RUNX1: variants seen among roughly 807,000 people sequenced by gnomAD.
RUNX1 encodes the protein RUNX family transcription factor 1.
In RUNX1, 19 loss-of-function variants were observed where a neutral mutation model predicts 42.8. The observed-to-expected ratio is 0.44, with a 90% CI of 0.31 to 0.65. The LOEUF is 0.65. Among genes scored for constraint, RUNX1 ranks in the 30% least tolerant of loss-of-function variants. The pLI, the probability that RUNX1 is intolerant of heterozygous loss-of-function variation, is 0.07. For missense variants in RUNX1, 528 were observed against 672.0 expected (o/e 0.79, Z 2.37); for synonymous variants, 271 against 289.4 (o/e 0.94, Z 0.64).
chr21:35,011,993 G>A (rs2059129548), intron 2 of RUNX1, among the ~76,000 whole-genome samples: 1 of 152,178 alleles, frequency 6.6e-6, no homozygotes, highest in Admixed American at 6.5e-5. Context: ...TAAAGAGTGG[G>A]TTATTGGATG....
intron 2 of RUNX1, among the ~76,000 whole-genome samples, chr21:34,926,341 C>T (rs980217616): frequency 1.3e-5 from 2 of 149,974 alleles, no homozygotes; most frequent in East Asian, 2.0e-4. Context: ...CCCAAGTGGT[C>T]GCACATGCCT....
intron 5 of RUNX1, among the ~76,000 whole-genome samples, chr21:34,860,062 T>C (rs529786785): frequency 1.2e-4 from 18 of 152,254 alleles, no homozygotes; most frequent in Non-Finnish European, 2.1e-4. Context: ...TCATTCTGTC[T>C]ATATTTTTAA....
intron 7 of RUNX1, among the ~76,000 whole-genome samples, chr21:34,815,409 C>CA (rs908346163): frequency 6.6e-6 from 1 of 152,188 alleles, no homozygotes; most frequent in Admixed American, 6.5e-5. Context: ...GTGGAGGAAG[C>CA]ACCAAGTGAA....
At chr21:34,963,271 C>A (rs2058694049) in intron 2 of RUNX1, among the ~76,000 whole-genome samples, 1 of 152,090 alleles carries the variant, frequency 6.6e-6, no homozygotes, top group Non-Finnish European at 1.5e-5. Flanking sequence ...CCAACTGGGA[C>A]GAAGGTGCTG....
intron 7 of RUNX1, among the ~76,000 whole-genome samples, chr21:34,823,050 ACT>A (rs1476209350): frequency 1.3e-5 from 2 of 152,172 alleles, no homozygotes; most frequent in Admixed American, 6.5e-5. Context: ...CTTTAGAATG[ACT>A]CAGGTTGAAC....
chr21:34,823,449 T>A (rs1156291221), intron 7 of RUNX1, among the ~76,000 whole-genome samples: 538 of 51,358 alleles, frequency 0.01, 10 homozygotes, highest in African/African-American at 0.022. Flanking sequence ...TTTTTTTTTT[T>A]TTTTTTTTTT....
intron 6 of RUNX1, among the ~76,000 whole-genome samples, chr21:34,840,517 C>G (rs1278157615): frequency 6.6e-6 from 1 of 152,216 alleles, no homozygotes; most frequent in African/African-American, 2.4e-5. Flanking sequence ...ACATCTGCTG[C>G]CATTATCTAC....
At chr21:34,855,086 G>A (rs538339771) in intron 6 of RUNX1, among the ~76,000 whole-genome samples, 1 of 152,226 alleles carries the variant, frequency 6.6e-6, no homozygotes, top group East Asian at 1.9e-4. Flanking sequence ...TAACCTTTTT[G>A]ATTTTTAATT....
intron 5 of RUNX1, among the ~76,000 whole-genome samples, chr21:34,866,770 T>G (rs1426976230): frequency 3.9e-5 from 6 of 152,234 alleles, no homozygotes; most frequent in Admixed American, 1.3e-4. Context: ...TATATACTTG[T>G]GTGCAAAGTG....
intron 2 of RUNX1, among the ~76,000 whole-genome samples, chr21:34,953,366 G>A (rs2058622465): frequency 6.6e-6 from 1 of 152,108 alleles, no homozygotes; most frequent in South Asian, 2.1e-4. Flanking sequence ...TGGCACAGTC[G>A]TGTGAATAAC....
chr21:34,900,045 TATA>T (rs1160516382), intron 2 of RUNX1, among the ~76,000 whole-genome samples: 1 of 152,180 alleles, frequency 6.6e-6, no homozygotes, highest in African/African-American at 2.4e-5. Flanking sequence ...CCAATAGAAA[TATA>T]ATGAGAGTCA....
intron 2 of RUNX1, among the ~76,000 whole-genome samples, chr21:34,949,132 T>G (rs1332552140): frequency 6.6e-6 from 1 of 152,170 alleles, no homozygotes; most frequent in Admixed American, 6.5e-5. Context: ...CTACACTGCC[T>G]GGAGATTTGG....
At chr21:35,022,228 C>T (rs969294215) in intron 2 of RUNX1, among the ~76,000 whole-genome samples, 4 of 152,100 alleles carry the variant, frequency 2.6e-5, no homozygotes, top group South Asian at 2.1e-4. Context: ...TTTGAACAGA[C>T]GAAAGAGGGT....
In RUNX1 at chr21:34,792,474, C is replaced by CATGCCG. The variant is rs750495319; in HGVS notation, c.1098_1103dup (p.Ile366_Gly367dup). 8.2e-5 allele frequency: 130 copies of CATGCCG among 1,587,662 alleles called. No individual in the cohort carries two copies. The highest frequency in any genetic ancestry group is 1.1e-4 in the Admixed American group (6 of 55,848). The stretch of plus-strand genomic sequence containing the variant: ...AGCGCGTGGCCGAGCCCATGGCCGA[C>CATGCCG]ATGCCGATGCCGATGCCCGAGGTGA... On this transcript the variant is annotated inframe_insertion, in exon 9 of 9. Transcript: ENST00000675419. The surrounding 1 kb of genome is among the most constrained non-coding windows in gnomAD (Gnocchi z 6.9).
intron 2 of RUNX1, among the ~76,000 whole-genome samples, chr21:34,981,888 T>C (rs949930366): frequency 6.6e-6 from 1 of 152,188 alleles, no homozygotes; most frequent in Non-Finnish European, 1.5e-5. Flanking sequence ...TTGCCATCAG[T>C]GCAGCAAGGA....
At chr21:34,949,130 C>T (rs186838005) in intron 2 of RUNX1, among the ~76,000 whole-genome samples, 2 of 152,258 alleles carry the variant, frequency 1.3e-5, no homozygotes, top group Admixed American at 6.5e-5. Flanking sequence ...AGCTACACTG[C>T]CTGGAGATTT....
intron 6 of RUNX1, among the ~76,000 whole-genome samples, chr21:34,851,773 A>G (rs1444746508): frequency 6.6e-6 from 1 of 152,226 alleles, no homozygotes; most frequent in Admixed American, 6.5e-5. Context: ...CCCACATTGG[A>G]TTGAGAAGGT....
At chr21:35,043,949 G>A (rs2059378490) in intron 2 of RUNX1, among the ~76,000 whole-genome samples, 1 of 152,194 alleles carries the variant, frequency 6.6e-6, no homozygotes. Context: ...GAGCCTTGGA[G>A]AAAATAAAGC....
chr21:34,951,431 T>C (rs2058606521), intron 2 of RUNX1, among the ~76,000 whole-genome samples: 1 of 152,222 alleles, frequency 6.6e-6, no homozygotes, highest in South Asian at 2.1e-4. Context: ...ACATGAATCT[T>C]TGCCCATGCC....
Sources: gnomAD v4.1 joint callset for allele counts (sites outside exome capture counted in the v4.1 genomes callset) on GRCh38, gnomAD v4.1.1 for gene constraint, Gnocchi (gnomAD v3.1) non-coding constraint, MANE v1.5 for transcripts, NCBI Gene and HGNC (gene_info 2026-07-23, HGNC 2026-07-21) for gene names.